KIF9: variants seen among roughly 807,000 people sequenced by gnomAD.
KIF9 encodes the protein kinesin family member 9.
KIF9 carries 68 observed loss-of-function variants against 94.8 expected under a neutral mutation model. That is an observed-to-expected ratio of 0.72 (90% CI 0.59 to 0.88). KIF9 has a LOEUF of 0.88. Among genes scored for constraint, KIF9 ranks in the 40% least tolerant of loss-of-function variants. KIF9 has a pLI of 0.00. For synonymous variants in KIF9, 343 were observed against 362.1 expected (o/e 0.95, Z 0.60); for missense variants, 882 against 982.5 (o/e 0.90, Z 1.37).
rs894151826 is a variant in KIF9 at position 47,282,479 on chromosome 3, A to T, written c.-6+16T>A. 3 of 989,780 alleles carry T rather than the reference A, an allele frequency of 3.0e-6. No homozygotes were observed. The highest frequency in any genetic ancestry group is 3.6e-6 in the Non-Finnish European group (3 of 832,278). The allele number at this position is 989,780 out of a possible 1,614,324, so 61.3% of individuals were successfully genotyped here. A position where few individuals can be genotyped will look rare whatever the true frequency, so the allele number is the denominator to read the frequency against. On this transcript the variant is annotated intron_variant, in intron 1 of 20. Transcript: ENST00000684063. Reference sequence around the variant, plus strand: ...TCCCGTCTCCCCACTCCCACCGGCGAGCAGCCCCTGCTCACCGTTCACCAG... The same window carrying T: ...TCCCGTCTCCCCACTCCCACCGGCGTGCAGCCCCTGCTCACCGTTCACCAG...
intron 20 of KIF9, among the ~76,000 whole-genome samples, chr3:47,234,862 T>A (rs567684554): frequency 1.4e-4 from 22 of 152,334 alleles, no homozygotes; most frequent in Non-Finnish European, 2.5e-4. Context: ...AGCCATATAC[T>A]TTCATGCTTT....
chr3:47,253,539 C>T (rs1700399419), intron 10 of KIF9, among the ~76,000 whole-genome samples: 2 of 152,122 alleles, frequency 1.3e-5, no homozygotes, highest in South Asian at 4.1e-4. Context: ...CACTCCCCTC[C>T]CATCCCAAAA....
chr3:47,242,178 C>T (rs978080497), intron 16 of KIF9, among the ~76,000 whole-genome samples: 1 of 152,072 alleles, frequency 6.6e-6, no homozygotes, highest in African/African-American at 2.4e-5. Context: ...CCGTGCCTGG[C>T]CTTTTTGATA....
rs1576044687 is a variant in KIF9, at chr3:47,264,173, C to T, written c.981+113G>A. On this transcript the variant is annotated intron_variant, in intron 9 of 20. Coordinates refer to ENST00000684063, the MANE Select transcript of KIF9 (RefSeq NM_182902.4). ...TCAGACTCACCCCTGGATCCTTCCA[C>T]TCTTGACAATGTCTATGGCCACTGT... The T allele has an allele frequency of 8.5e-6, 7 of 824,006 alleles. No homozygotes were observed. The African/African-American group carries it at 1.0e-4, about 12-fold the overall frequency. The allele number at this position is 824,006 out of a possible 1,614,324, so 51.0% of individuals were successfully genotyped here. A position where few individuals can be genotyped will look rare whatever the true frequency, so the allele number is the denominator to read the frequency against.
intron 3 of KIF9, among the ~76,000 whole-genome samples, chr3:47,274,918 A>G (rs929116858): frequency 6.6e-6 from 1 of 152,224 alleles, no homozygotes; most frequent in African/African-American, 2.4e-5. Flanking sequence ...TCTTTTATAC[A>G]ATCCTATACT....
intron 9 of KIF9, 164 bp downstream of exon 9, chr3:47,264,122 C>A: frequency 1.6e-6 from 1 of 620,226 alleles, no homozygotes; most frequent in South Asian, 1.7e-5. Context: ...TGGATCCTAG[C>A]TCTGGGCCCC....
At chr3:47,229,585 T>C (rs181753412) in intron 20 of KIF9, among the ~76,000 whole-genome samples, 1 of 152,316 alleles carries the variant, frequency 6.6e-6, no homozygotes, top group Non-Finnish European at 1.5e-5. Flanking sequence ...GAACATGGAA[T>C]GGTTCGAGTA....
intron 2 of KIF9, chr3:47,277,069 T>C (rs1485762407): frequency 2.6e-6 from 1 of 387,342 alleles, no homozygotes; most frequent in Non-Finnish European, 4.6e-6. Flanking sequence ...TTATTAAAGG[T>C]AAAATTATTA....
At chr3:47,266,587 G>A (rs1042342531) in intron 7 of KIF9, among the ~76,000 whole-genome samples, 3 of 152,194 alleles carry the variant, frequency 2.0e-5, no homozygotes, top group Non-Finnish European at 2.9e-5. Flanking sequence ...CAAGGCTGCA[G>A]TGAGCTGTAT....
Position 47,277,355 on chromosome 3 carries a change from A to G in KIF9, c.20T>C (p.Val7Ala). 6.2e-7 allele frequency: 1 copy of G among 1,613,858 alleles called. No homozygotes were observed. The highest frequency in any genetic ancestry group is 8.5e-7 in the Non-Finnish European group (1 of 1,179,786). Reference sequence around the variant, plus strand: ...GGGTTTGACACGGACAAATGCATGAACTTTTTTCCTAGTACCCATTCTAGC... The same window carrying G: ...GGGTTTGACACGGACAAATGCATGAGCTTTTTTCCTAGTACCCATTCTAGC... Reference protein sequence around the residue: MGTRKKVHAFVRVKPTD... With the variant: MGTRKKAHAFVRVKPTD... Residue 7 changes from valine to alanine, a missense_variant, in exon 2 of 21, where the codon GTT (valine) becomes GCT (alanine). By Grantham distance (64) the Val-to-Ala change is moderately conservative. Transcript: ENST00000684063.
intron 2 of KIF9, 93 bp downstream of exon 2, chr3:47,277,189 T>C (rs1702030213): frequency 1.2e-6 from 1 of 866,446 alleles, no homozygotes; most frequent in Admixed American, 2.2e-5. Context: ...AATTCTGTCT[T>C]GGTCCTTCAA....
intron 7 of KIF9, among the ~76,000 whole-genome samples, chr3:47,266,364 C>T (rs966084547): frequency 6.6e-6 from 1 of 152,176 alleles, no homozygotes; most frequent in Admixed American, 6.5e-5. Flanking sequence ...CACAAAGAAG[C>T]CAGGTGTGGT....
At chr3:47,240,087 C>T (rs1376093220) in intron 17 of KIF9, 11 of 469,348 alleles carry the variant, frequency 2.3e-5, no homozygotes, top group Non-Finnish European at 3.5e-5. Flanking sequence ...CTTGACCAGC[C>T]CTCTCAGATA....
chr3:47,269,533 T>C (rs1334928322), intron 5 of KIF9, among the ~76,000 whole-genome samples: 1 of 152,078 alleles, frequency 6.6e-6, no homozygotes, highest in Non-Finnish European at 1.5e-5. Flanking sequence ...CCACCCGCCT[T>C]GGCCTCCCAA....
Position 47,277,274 on chromosome 3 carries a change from G to A in KIF9, c.93+8C>T, listed in dbSNP as rs1186384540. 5.6e-6 allele frequency: 9 copies of A among 1,606,644 alleles called. No homozygotes were observed. The highest frequency in any genetic ancestry group is 1.3e-5 in the African/African-American group (1 of 74,758). On this transcript the variant is annotated splice_region_variant and intron_variant, in intron 2 of 20. Coordinates refer to ENST00000684063, the MANE Select transcript of KIF9 (RefSeq NM_182902.4). ...CCAGTCAGTTGAAGGCAAACACATC[G>A]CACTTACTCTTTTGTCATCTCCGTA...
chr3:47,249,148 A>ATT (rs36111901), intron 10 of KIF9, among the ~76,000 whole-genome samples: 67,942 of 138,750 alleles, frequency 0.49, 17,990 homozygotes, highest in Non-Finnish European at 0.59. Context: ...GTCACCTCTA[A>ATT]TTTTTTTTTT....
At chr3:47,280,255 C>T (rs149571501) in intron 1 of KIF9, among the ~76,000 whole-genome samples, 116 of 152,358 alleles carry the variant, frequency 7.6e-4, no homozygotes, top group African/African-American at 2.6e-3. Flanking sequence ...GGGAACCACT[C>T]TTCACATCCA....
chr3:47,273,532 C>T lies in KIF9; in HGVS notation c.366+20G>A. 6.4e-7 allele frequency: 1 copy of T among 1,566,328 alleles called. No homozygotes were observed. The highest frequency in any genetic ancestry group is 8.7e-7 in the Non-Finnish European group (1 of 1,150,468). On this transcript the variant is annotated intron_variant, in intron 4 of 20. Coordinates refer to ENST00000684063, the MANE Select transcript of KIF9 (RefSeq NM_182902.4). ...GAGAGGGAACCTGTGTGGCATCCCA[C>T]CCTTGGGCCCACTCTCTACCTGCTG...
intron 2 of KIF9, 47 bp downstream of exon 2, chr3:47,277,235 T>G (rs1452145056): frequency 1.5e-6 from 2 of 1,376,068 alleles, no homozygotes; most frequent in East Asian, 2.3e-5. Flanking sequence ...TATAGCAAGG[T>G]GGGACAGAGA....
Sources: gnomAD v4.1 joint callset for allele counts (sites outside exome capture counted in the v4.1 genomes callset) on GRCh38, gnomAD v4.1.1 for gene constraint, MANE v1.5 for transcripts, NCBI Gene and HGNC (gene_info 2026-07-23, HGNC 2026-07-21) for gene names.